ANK2: variants seen among roughly 807,000 people sequenced by gnomAD.
ANK2 encodes ankyrin-2.
A neutral mutation model predicts 360.5 loss-of-function variants in ANK2; 83 were observed. The observed-to-expected ratio is 0.23, with a 90% CI of 0.19 to 0.28. The LOEUF is 0.28. ANK2 is among the 10% of genes least tolerant of loss of function. ANK2 has a pLI of 1.00. For synonymous variants in ANK2, 1,740 were observed against 1,759.5 expected, an observed-to-expected ratio of 0.99 and a Z score of 0.28; for missense variants, 4,201 against 4,795.7, an observed-to-expected ratio of 0.88 and a Z score of 3.66.
Position 113,264,879 on chromosome 4 carries a change from A to G in ANK2, c.1387-18A>G, listed in dbSNP as rs372142599. The G allele has an allele frequency of 3.9e-5, 61 of 1,554,530 alleles. No homozygotes were observed. The highest frequency in any genetic ancestry group is 5.2e-5 in the Non-Finnish European group (60 of 1,148,348). ...CGGTGGGTTAATTTATGATTTGACG[A>G]TCTTTGTTCCCTGGCAGCGTGGTGA... is the stretch of plus-strand genomic sequence containing the variant. On this transcript the variant is annotated intron_variant, in intron 13 of 45. Coordinates refer to ENST00000357077, the MANE Select transcript of ANK2 (RefSeq NM_001148.6).
At chr4:113,223,671 G>A (rs921275316) in intron 4 of ANK2, among the ~76,000 whole-genome samples, 1 of 152,152 alleles carries the variant, frequency 6.6e-6, no homozygotes, top group African/African-American at 2.4e-5. Flanking sequence ...GATGTGGTTG[G>A]CAGGGTAGGT....
At chr4:112,963,312 T>C (rs533962331) in intron 2 of ANK2, among the ~76,000 whole-genome samples, 16 of 152,318 alleles carry the variant, frequency 1.1e-4, no homozygotes, top group African/African-American at 2.6e-4. Flanking sequence ...AGCTTAATAA[T>C]GTACAAGGCA....
chr4:113,238,450 A>T (rs1027252015), intron 7 of ANK2, among the ~76,000 whole-genome samples: 1 of 152,132 alleles, frequency 6.6e-6, no homozygotes, highest in Non-Finnish European at 1.5e-5. Flanking sequence ...CACAGGGTAT[A>T]CTTGAATTAT....
chr4:113,199,008 C>T lies in ANK2; in HGVS notation c.286-3C>T. On this transcript the variant is annotated splice_region_variant and splice_polypyrimidine_tract_variant and intron_variant, in intron 3 of 45. Transcript: ENST00000357077. ...CATTTTCTATTTTGTTTCTCCAAAA[C>T]AGAAGGGAAATACCGCTCTTCACAT... 6.2e-7 allele frequency: 1 copy of T among 1,608,824 alleles called. No homozygotes were observed.
intron 24 of ANK2, among the ~76,000 whole-genome samples, chr4:113,313,942 G>A (rs879521590): frequency 1.3e-5 from 2 of 152,204 alleles, no homozygotes; most frequent in Admixed American, 6.5e-5. Flanking sequence ...TCTGTGACAT[G>A]ACCCAGGTAT....
intron 2 of ANK2, among the ~76,000 whole-genome samples, chr4:112,920,234 T>C (rs2091107621): frequency 6.6e-6 from 1 of 152,146 alleles, no homozygotes; most frequent in African/African-American, 2.4e-5. Context: ...TCAATCTGCA[T>C]TTGTAATGTT....
intron 1 of ANK2, among the ~76,000 whole-genome samples, chr4:113,153,379 A>G (rs972636984): frequency 7.9e-5 from 12 of 152,190 alleles, no homozygotes; most frequent in Non-Finnish European, 2.9e-5. Context: ...ACCTAGTAAA[A>G]CAGAAGTACA....
chr4:113,248,922 T>C (rs2044518759), intron 9 of ANK2, among the ~76,000 whole-genome samples: 1 of 152,202 alleles, frequency 6.6e-6, no homozygotes, highest in Non-Finnish European at 1.5e-5. Flanking sequence ...TTGCTCACTG[T>C]TAATTACATT....
rs774552133 is a variant in ANK2 at position 113,282,855 on chromosome 4, A to G, written c.2062A>G (p.Ile688Val). 1 of 1,614,012 alleles carries G rather than the reference A, an allele frequency of 6.2e-7. No individual in the cohort carries two copies. The highest frequency in any genetic ancestry group is 8.5e-7 in the Non-Finnish European group (1 of 1,179,928). ...CTTGCTTCTGGATAAGGGAGCCAATATCCACATGTCAACTAAGGTATTCTG... is the reference window on the plus strand; with the variant it reads ...CTTGCTTCTGGATAAGGGAGCCAATGTCCACATGTCAACTAAGGTATTCTG... ...VTLLLDKGANIHMSTKSGLTS... is the reference protein window; with the variant it reads ...VTLLLDKGANVHMSTKSGLTS... The change falls in exon 18 of 46, where the codon ATC becomes GTC. Residue 688 changes from isoleucine (I) to valine (V), a missense_variant. This residue lies in a region of ANK2 where 1,268 missense variants were observed against 1,650.8 expected (regional missense o/e 0.77). Coordinates refer to ENST00000357077, the MANE Select transcript of ANK2 (RefSeq NM_001148.6).
At chr4:113,087,257 C>G (rs2085324941) in intron 1 of ANK2, among the ~76,000 whole-genome samples, 1 of 151,988 alleles carries the variant, frequency 6.6e-6, no homozygotes, top group Non-Finnish European at 1.5e-5. Flanking sequence ...ATGGTAAAGT[C>G]AAGGAGTTGA....
At chr4:112,831,039 C>G (rs2059600262) in intron 1 of ANK2, among the ~76,000 whole-genome samples, 1 of 152,220 alleles carries the variant, frequency 6.6e-6, no homozygotes, top group African/African-American at 2.4e-5. Context: ...TCAGCCATCT[C>G]ACCATAGGGC....
rs538182797 is a variant in ANK2, at chr4:112,971,540, GAA to G, written c.21+67029_21+67030del. ...TAAGGGCATATTGTAATTGCTGTTTGAAAAGTGTTGTGAATTTTCTGGCAGGC... is the reference window on the plus strand; with the variant it reads ...TAAGGGCATATTGTAATTGCTGTTTGAAGTGTTGTGAATTTTCTGGCAGGC... On this transcript the variant is annotated intron_variant, in intron 2 of 30. Transcript: ENST00000503271. Among the ~76,000 whole-genome samples, 585 of 152,316 alleles carry G rather than the reference GAA, an allele frequency of 3.8e-3. 2 individuals carry two copies. The highest frequency in any genetic ancestry group is 0.02 in the Middle Eastern group (6 of 294).
In ANK2 at chr4:113,381,973, T is replaced by TC. The variant is rs1197539373; in HGVS notation, c.*503dup. 3.2e-6 allele frequency: 1 copy of TC among 314,208 alleles called. No individual in the cohort carries two copies. The highest frequency in any genetic ancestry group is 6.3e-6 in the Non-Finnish European group (1 of 158,534). 19.5% of individuals were successfully genotyped at this position (314,208 alleles called of 1,614,324 possible). On this transcript the variant is annotated 3_prime_UTR_variant, in exon 46 of 46. Coordinates refer to ENST00000357077, the MANE Select transcript of ANK2 (RefSeq NM_001148.6). ...AGAAGAACTTCACCTGCAGACCTCT[T>TC]CAAGTGACACTATGTAGGAATCCTT...
At chr4:113,244,852 G>A (rs1311279816) in intron 9 of ANK2, among the ~76,000 whole-genome samples, 2 of 152,084 alleles carry the variant, frequency 1.3e-5, no homozygotes, top group South Asian at 4.1e-4. Flanking sequence ...ACCTATGATC[G>A]AGACCATGTG....
the ANK2 span, among the ~76,000 whole-genome samples, chr4:112,800,420 A>G: frequency 6.6e-6 from 1 of 152,224 alleles, no homozygotes; most frequent in Admixed American, 6.5e-5. Flanking sequence ...TGTGTGTATG[A>G]TATATTTATA....
At chr4:113,176,430 C>T (rs1169497216) in intron 2 of ANK2, among the ~76,000 whole-genome samples, 1 of 151,944 alleles carries the variant, frequency 6.6e-6, no homozygotes. Context: ...GTCTACATTC[C>T]TCCATCTTAT....
the ANK2 span, among the ~76,000 whole-genome samples, chr4:112,810,155 ATATATTTTTTTTTTT>A: frequency 1.3e-4 from 3 of 23,342 alleles, no homozygotes; most frequent in African/African-American, 6.2e-4. Flanking sequence ...ATATATATAT[ATATATTTTTTTTTTT>A]TTTTTTTTTT....
chr4:113,232,316 A>G (rs2099317688), intron 5 of ANK2, 57 bp downstream of exon 5: 3 of 1,298,958 alleles, frequency 2.3e-6, no homozygotes, highest in Admixed American at 3.4e-5. Flanking sequence ...CATATTCTTT[A>G]TATCAGGCTG....
chr4:113,036,693 C>G (rs756214123), intron 2 of ANK2, among the ~76,000 whole-genome samples: 1 of 151,640 alleles, frequency 6.6e-6, no homozygotes, highest in African/African-American at 2.4e-5. Context: ...TTTTTTGAAA[C>G]TTTCTGTTGA....
Sources: gnomAD v4.1 joint callset for allele counts (sites outside exome capture counted in the v4.1 genomes callset) on GRCh38, gnomAD v4.1.1 for gene constraint, gnomAD v4.1.1 regional missense constraint, MANE v1.5 for transcripts, NCBI Gene and HGNC (gene_info 2026-07-23, HGNC 2026-07-21) for gene names.